HMCN1: variants seen among roughly 807,000 people sequenced by gnomAD.
The protein encoded by HMCN1 is hemicentin-1.
In HMCN1, 321 loss-of-function variants were observed where a neutral mutation model predicts 625.9. The ratio of observed to expected loss-of-function variants is 0.51; its 90% CI spans 0.47 to 0.56. The LOEUF (loss-of-function observed/expected upper bound fraction) is 0.56, where lower values mean the gene tolerates loss of function less well. Among genes scored for constraint, HMCN1 ranks in the 20% least tolerant of loss-of-function variants. The pLI, the probability that HMCN1 is intolerant of heterozygous loss-of-function variation, is 0.00. For synonymous variants in HMCN1, 2,425 were observed against 2,417.6 expected (o/e 1.00, Z -0.09); for missense variants, 6,588 against 6,887.3 (o/e 0.96, Z 1.54).
chr1:185,885,297 A>C (rs1664574170), intron 4 of HMCN1, among the ~76,000 whole-genome samples: 1 of 151,992 alleles, frequency 6.6e-6, no homozygotes, highest in African/African-American at 2.4e-5. Flanking sequence ...GAAGTACAAG[A>C]ATAGCTAGTT....
intron 4 of HMCN1, among the ~76,000 whole-genome samples, chr1:185,896,652 C>T (rs867424002): frequency 2.1e-4 from 32 of 152,210 alleles, no homozygotes; most frequent in African/African-American, 7.0e-4. Context: ...GAACGGATGC[C>T]TCAAAACTTT....
chr1:185,990,337 G>A lies in HMCN1; in HGVS notation c.3271G>A (p.Val1091Ile), dbSNP rs140294564. Residue 1091 changes from valine to isoleucine, a missense_variant, in exon 22 of 107, where the codon GTC becomes ATC. Coordinates refer to ENST00000271588, the MANE Select transcript of HMCN1 (RefSeq NM_031935.3). ...LSQDKPVEIS[V>I]LAGEEVTLPC... ...CCAGGATAAGCCTGTTGAGATCTCC[G>A]TCCTTGCAGGGGAAGAGGTAACACT... is the stretch of plus-strand genomic sequence containing the variant. 2.0e-5 allele frequency: 33 copies of A among 1,613,700 alleles called. No homozygotes were observed. Among genetic ancestry groups the A allele is most frequent in the African/African-American group, 4.0e-5 (3 of 74,884 alleles).
intron 46 of HMCN1, among the ~76,000 whole-genome samples, chr1:186,061,128 T>C (rs1261325798): frequency 1.3e-5 from 2 of 152,044 alleles, no homozygotes; most frequent in Non-Finnish European, 2.9e-5. Flanking sequence ...CATACTCCAC[T>C]CACAATAGCA....
At chr1:185,809,522 ATAAT>A (rs1659379847) in intron 1 of HMCN1, among the ~76,000 whole-genome samples, 1 of 151,734 alleles carries the variant, frequency 6.6e-6, no homozygotes, top group South Asian at 2.1e-4. Flanking sequence ...ATATATATAT[ATAAT>A]TAATATTTCT....
At chr1:186,039,120 T>C (rs1197219746) in intron 38 of HMCN1, 115 bp downstream of exon 38, 2 of 787,674 alleles carry the variant, frequency 2.5e-6, no homozygotes, top group East Asian at 5.0e-5. Context: ...GTCATCTTTA[T>C]GTAAGGGCAC....
chr1:186,044,224 ATTACT>A (rs1656400578), intron 40 of HMCN1, among the ~76,000 whole-genome samples: 1 of 152,192 alleles, frequency 6.6e-6, no homozygotes, highest in South Asian at 2.1e-4. Flanking sequence ...TTTCTCACAG[ATTACT>A]TTAACCTTAT....
intron 4 of HMCN1, among the ~76,000 whole-genome samples, chr1:185,890,124 G>A (rs949754982): frequency 6.6e-6 from 1 of 151,714 alleles, no homozygotes; most frequent in African/African-American, 2.4e-5. Flanking sequence ...TTCTCTGATG[G>A]TAGTTTGTAT....
intron 1 of HMCN1, among the ~76,000 whole-genome samples, chr1:185,806,633 A>C (rs1223352380): frequency 6.7e-6 from 1 of 150,240 alleles, no homozygotes; most frequent in African/African-American, 2.4e-5. Flanking sequence ...CTTTGATTTG[A>C]TCCATTTTCG....
intron 82 of HMCN1, among the ~76,000 whole-genome samples, chr1:186,127,710 G>A (rs1008049402): frequency 6.6e-6 from 1 of 152,052 alleles, no homozygotes; most frequent in Admixed American, 6.6e-5. Flanking sequence ...GTTGATCTTT[G>A]GTACCGCCTT....
chr1:186,107,023 G>A, intron 70 of HMCN1, 58 bp downstream of exon 70: 1 of 991,370 alleles, frequency 1.0e-6, no homozygotes, highest in Non-Finnish European at 1.6e-6. Flanking sequence ...AGAAAACCCT[G>A]GGACAACACC....
chr1:185,774,046 G>A (rs184829364), intron 1 of HMCN1, among the ~76,000 whole-genome samples: 1 of 152,284 alleles, frequency 6.6e-6, no homozygotes, highest in East Asian at 1.9e-4. Flanking sequence ...ACAACTTGCT[G>A]TCTACTGAAA....
At chr1:186,180,675 C>T (rs954064497) in intron 104 of HMCN1, among the ~76,000 whole-genome samples, 1 of 152,134 alleles carries the variant, frequency 6.6e-6, no homozygotes, top group African/African-American at 2.4e-5. Context: ...AGACAGTCAT[C>T]TGCTATTTGA....
chr1:185,919,738 G>T (rs1406866510), intron 6 of HMCN1, among the ~76,000 whole-genome samples: 1 of 152,238 alleles, frequency 6.6e-6, no homozygotes, highest in Admixed American at 6.5e-5. Context: ...ACCGAGTTCA[G>T]ACTCCAGCTT....
chr1:185,750,952 G>A (rs1436492886), intron 1 of HMCN1, among the ~76,000 whole-genome samples: 1 of 151,720 alleles, frequency 6.6e-6, no homozygotes, highest in African/African-American at 2.4e-5. Flanking sequence ...ATACTTCTGT[G>A]TAATATAAGG....
chr1:185,988,211 C>T (rs899114181), intron 20 of HMCN1, among the ~76,000 whole-genome samples: 1 of 152,218 alleles, frequency 6.6e-6, no homozygotes, highest in African/African-American at 2.4e-5. Flanking sequence ...TTGTAAGACA[C>T]TTACACAAAC....
At chr1:185,823,255 G>C (rs936166021) in intron 1 of HMCN1, among the ~76,000 whole-genome samples, 1 of 152,056 alleles carries the variant, frequency 6.6e-6, no homozygotes, top group Non-Finnish European at 1.5e-5. Flanking sequence ...ATGCGTTCTT[G>C]AGAAAGATCA....
At chr1:186,179,460 C>A (rs1000442909) in intron 104 of HMCN1, among the ~76,000 whole-genome samples, 1 of 151,748 alleles carries the variant, frequency 6.6e-6, no homozygotes, top group Non-Finnish European at 1.5e-5. Context: ...CAAACATTAC[C>A]ATCTGTCACT....
rs2102054856 is a variant in HMCN1 at position 185,734,587 on chromosome 1, C to T, written c.-193C>T. 4.9e-6 allele frequency: 3 copies of T among 612,142 alleles called. 1 individual carries two copies. The South Asian group carries it at 5.8e-5, about 12-fold the overall frequency. 37.9% of individuals were successfully genotyped at this position (612,142 alleles called of 1,614,324 possible). ...CAGACAAAAGCTGCCGCATCCCTGC[C>T]CTGCCCAACCCCTGGAGGGATTCGA... On this transcript the variant is annotated 5_prime_UTR_variant, in exon 1 of 107. Coordinates refer to ENST00000271588, the MANE Select transcript of HMCN1 (RefSeq NM_031935.3).
intron 4 of HMCN1, among the ~76,000 whole-genome samples, chr1:185,900,122 A>T (rs1665720789): frequency 6.6e-6 from 1 of 151,788 alleles, no homozygotes; most frequent in African/African-American, 2.4e-5. Context: ...CATCTGGATT[A>T]CCTTTTGGTA....
Sources: allele counts gnomAD v4.1 joint callset (sites outside exome capture counted in the v4.1 genomes callset), GRCh38; gene constraint gnomAD v4.1.1; transcripts MANE v1.5; gene names NCBI Gene and HGNC (gene_info 2026-07-23, HGNC 2026-07-21).